Variants in SCIMP observed in about 807,000 individuals in gnomAD.
SCIMP encodes SLP adaptor and CSK interacting membrane protein, also known as SLP adapter and CSK-interacting membrane protein.
A neutral mutation model predicts 22.0 loss-of-function variants in SCIMP; 18 were observed. The observed-to-expected ratio is 0.82, with a 90% CI of 0.56 to 1.21. SCIMP has a LOEUF of 1.21. Among genes scored for constraint, SCIMP ranks in the 50% most tolerant of loss-of-function variants. SCIMP has a pLI of 0.00. For synonymous variants in SCIMP, 53 were observed against 62.2 expected, an observed-to-expected ratio of 0.85 and a Z score of 0.70; for missense variants, 155 against 171.2, an observed-to-expected ratio of 0.91 and a Z score of 0.53.
intron 4 of SCIMP, chr17:5,213,260 T>C (rs2074540064): frequency 1.1e-5 from 2 of 177,574 alleles, no homozygotes; most frequent in Admixed American, 8.4e-4. Flanking sequence ...TTTCCATCCC[T>C]TTTTTTTTTT....
In SCIMP at chr17:5,227,395, A is replaced by G. The variant is rs530378527; in HGVS notation, c.22-3939T>C. On this transcript the variant is annotated intron_variant, in intron 1 of 4. Coordinates refer to ENST00000574081, the MANE Select transcript of SCIMP (RefSeq NM_207103.3). The stretch of plus-strand genomic sequence containing the variant: ...TACTCAGGAGGTTAAGCTCCTCCTC[A>G]GCTACTCAGGGGGTTTCACCATGTT... Among the ~76,000 whole-genome samples the G allele has an allele frequency of 4.9e-3, 750 of 151,876 alleles. 9 individuals are homozygous for G. Among genetic ancestry groups the G allele is most frequent in the African/African-American group, 0.017 (724 of 41,414 alleles).
intron 3 of SCIMP, chr17:5,221,057 CAA>C (rs137985713): frequency 6.3e-3 from 3,224 of 512,740 alleles, no homozygotes; most frequent in East Asian, 9.0e-3. Flanking sequence ...GACTCCATCT[CAA>C]AAAAAAAAAA....
chr17:5,216,368 G>A (rs2074565506), intron 3 of SCIMP, among the ~76,000 whole-genome samples: 1 of 152,048 alleles, frequency 6.6e-6, no homozygotes, highest in Non-Finnish European at 1.5e-5. Flanking sequence ...TTAATAGATT[G>A]CATAAAAACC....
Position 5,232,411 on chromosome 17 carries a change from C to CAAACAGTGCAGTAT in SCIMP, c.21+2323_21+2324insATACTGCACTGTTT, listed in dbSNP as rs2074708961. On this transcript the variant is annotated intron_variant, in intron 1 of 4. Transcript: ENST00000574081. ...TGCAGTATAAACAGTATAAACAGTG[C>CAAACAGTGCAGTAT]AAACAGTGCAGTGTAAACAGCGCAG... Among the ~76,000 whole-genome samples the CAAACAGTGCAGTAT allele has an allele frequency of 9.6e-5, 7 of 73,270 alleles. No individual in the cohort carries two copies. The East Asian group carries it at 6.2e-3, about 65-fold the overall frequency. The allele number at this position is 73,270 out of a possible 152,430, so 48.1% of individuals were successfully genotyped here.
chr17:5,227,145 G>A (rs2074655326), intron 1 of SCIMP, among the ~76,000 whole-genome samples: 1 of 152,040 alleles, frequency 6.6e-6, no homozygotes, highest in Admixed American at 6.6e-5. Flanking sequence ...GGATCGCAAA[G>A]AAGTGTTTGC....
Position 5,210,912 on chromosome 17 carries a change from C to T in SCIMP, c.327G>A (p.Leu109=). 3 of 1,613,960 alleles carry T rather than the reference C, an allele frequency of 1.9e-6. No homozygotes were observed. Among genetic ancestry groups the T allele is most frequent in the South Asian group, 1.1e-5 (1 of 91,040 alleles). ...APSQPPATYS[L]VNKVKNKKTV... ...TCTTCTTATTTTTAACTTTATTTAC[C>T]AGTGAGTATGTAGCGGGCGGCTGAC... Residue 109 remains leucine (L), a synonymous_variant, in exon 5 of 5, where the codon CTG becomes CTA. Transcript: ENST00000574081.
At chr17:5,212,359 G>A (rs1471799100) in intron 4 of SCIMP, among the ~76,000 whole-genome samples, 1 of 151,924 alleles carries the variant, frequency 6.6e-6, no homozygotes, top group Non-Finnish European at 1.5e-5. Flanking sequence ...CTTGGGCCGG[G>A]CGCGGTGGCT....
In SCIMP at chr17:5,209,606, G is replaced by T. The variant is rs1412872748; in HGVS notation, c.*1195C>A. On this transcript the variant is annotated 3_prime_UTR_variant, in exon 5 of 5. Transcript: ENST00000574081. Reference sequence around the variant, plus strand: ...TCTCTGCAAGGCTGTTCATTTGCCAGATTTCCCAGAGGTCACTTAGAAACC... The same window carrying T: ...TCTCTGCAAGGCTGTTCATTTGCCATATTTCCCAGAGGTCACTTAGAAACC... The T allele has an allele frequency of 6.6e-6, 1 of 152,214 alleles. No individual in the cohort carries two copies. The highest frequency in any genetic ancestry group is 2.4e-5 in the African/African-American group (1 of 41,454). 9.4% of individuals were successfully genotyped at this position (152,214 alleles called of 1,614,324 possible).
At chr17:5,232,251 G>C (rs2074703952) in intron 1 of SCIMP, among the ~76,000 whole-genome samples, 1 of 151,066 alleles carries the variant, frequency 6.6e-6, no homozygotes, top group Admixed American at 6.6e-5. Context: ...CCCCTCTGGT[G>C]GTCCCCCGCT....
intron 3 of SCIMP, among the ~76,000 whole-genome samples, chr17:5,219,613 C>T (rs1046659425): frequency 3.3e-5 from 5 of 152,012 alleles, no homozygotes; most frequent in Non-Finnish European, 5.9e-5. Context: ...GGGTGACAGA[C>T]TGGGACTCCA....
At chr17:5,217,443 G>A (rs1395795343) in intron 3 of SCIMP, among the ~76,000 whole-genome samples, 1 of 151,794 alleles carries the variant, frequency 6.6e-6, no homozygotes, top group Non-Finnish European at 1.5e-5. Flanking sequence ...TTAAGTTTTA[G>A]GGTACATGTG....
In SCIMP at chr17:5,210,877, A is replaced by T; in HGVS notation, c.362T>A (p.Ile121Asn). ...ATCTTCAGGCTCAATGTAGCTTGGGATGGAAACAGTCTTCTTATTTTTAAC... is the reference window on the plus strand; with the variant it reads ...ATCTTCAGGCTCAATGTAGCTTGGGTTGGAAACAGTCTTCTTATTTTTAAC... ...NKVKNKKTVS[I>N]PSYIEPEDDY... The change falls in exon 5 of 5, where the codon ATC becomes AAC. Residue 121 changes from isoleucine to asparagine, a missense_variant. Transcript: ENST00000574081. 1 of 1,614,104 alleles carries T rather than the reference A, an allele frequency of 6.2e-7. No homozygotes were observed. The highest frequency in any genetic ancestry group is 1.1e-5 in the South Asian group (1 of 91,052).
In SCIMP at chr17:5,215,012, AAGAG is replaced by A. The variant is rs753045630; in HGVS notation, c.210-18_210-15del. 2.7e-5 allele frequency: 42 copies of A among 1,568,948 alleles called. No homozygotes were observed. The highest frequency in any genetic ancestry group is 3.4e-5 in the Non-Finnish European group (39 of 1,139,324). On this transcript the variant is annotated splice_polypyrimidine_tract_variant and intron_variant, in intron 3 of 4. Coordinates refer to ENST00000574081, the MANE Select transcript of SCIMP (RefSeq NM_207103.3). ...TTAAGAACATTCCTAGAGAGAGAGA[AAGAG>A]AGAGAATCAGTGTTTGGTTTGGGCC... is the stretch of plus-strand genomic sequence containing the variant.
At chr17:5,233,302 C>G (rs1358139938) in intron 1 of SCIMP, among the ~76,000 whole-genome samples, 1 of 152,154 alleles carries the variant, frequency 6.6e-6, no homozygotes, top group African/African-American at 2.4e-5. Flanking sequence ...GCCCCTAGCC[C>G]CCACTGGGCT....
chr17:5,221,240 C>A, intron 3 of SCIMP, 47 bp downstream of exon 3: 1 of 1,358,996 alleles, frequency 7.4e-7, no homozygotes, highest in South Asian at 1.2e-5. Flanking sequence ...TGGAAGGGAA[C>A]AGGCAGTTCT....
At chr17:5,228,038 G>T (rs1224209829) in intron 1 of SCIMP, among the ~76,000 whole-genome samples, 2 of 152,078 alleles carry the variant, frequency 1.3e-5, no homozygotes, top group African/African-American at 2.4e-5. Flanking sequence ...CAGGCATGGT[G>T]GTGTGCACCT....
At chr17:5,216,725 A>G (rs12051735) in intron 3 of SCIMP, among the ~76,000 whole-genome samples, 11,670 of 152,214 alleles carry the variant, frequency 0.077, 506 homozygotes, top group Middle Eastern at 0.14. Flanking sequence ...TATCACAGAC[A>G]GTGATTGCCT....
At chr17:5,212,634 A>C (rs897545259) in intron 4 of SCIMP, among the ~76,000 whole-genome samples, 1 of 152,222 alleles carries the variant, frequency 6.6e-6, no homozygotes, top group Non-Finnish European at 1.5e-5. Flanking sequence ...ACTCCATCTC[A>C]AAAAACAAAC....
intron 3 of SCIMP, among the ~76,000 whole-genome samples, chr17:5,217,993 C>T (rs149299965): frequency 0.013 from 1,948 of 152,134 alleles, 39 homozygotes; most frequent in African/African-American, 0.044. Flanking sequence ...GCCACACTGA[C>T]TTCCACAATG....
Sources: gnomAD v4.1 joint callset for allele counts (sites outside exome capture counted in the v4.1 genomes callset) on GRCh38, gnomAD v4.1.1 for gene constraint, MANE v1.5 for transcripts, NCBI Gene and HGNC (gene_info 2026-07-23, HGNC 2026-07-21) for gene names.